Variants in SPTBN4 observed in about 807,000 individuals in gnomAD.
SPTBN4 encodes spectrin beta chain, non-erythrocytic 4.
SPTBN4 carries 96 observed loss-of-function variants against 277.8 expected under a neutral mutation model. The ratio of observed to expected loss-of-function variants is 0.35; its 90% confidence interval spans 0.29 to 0.41. The LOEUF is 0.41. Among genes scored for constraint, SPTBN4 ranks in the 10% least tolerant of loss-of-function variants. SPTBN4 has a pLI of 1.00. For synonymous variants in SPTBN4, 1,481 were observed against 1,580.3 expected, an observed-to-expected ratio of 0.94 and a Z score of 1.49; for missense variants, 3,006 against 3,595.7, an observed-to-expected ratio of 0.84 and a Z score of 4.19.
intron 16 of SPTBN4, among the ~76,000 whole-genome samples, chr19:40,520,634 G>A (rs1356154547): frequency 1.3e-5 from 2 of 152,182 alleles, no homozygotes. Flanking sequence ...TGGTGTGGAT[G>A]GCTAAATTAG....
intron 18 of SPTBN4, 63 bp downstream of exon 18, chr19:40,529,194 C>G: frequency 1.7e-5 from 24 of 1,390,608 alleles, no homozygotes; most frequent in Non-Finnish European, 2.1e-5. Flanking sequence ...AAGTGCTTCT[C>G]GGCCGAGGTG....
intron 22 of SPTBN4, among the ~76,000 whole-genome samples, chr19:40,553,811 A>G (rs1599799924): frequency 6.6e-6 from 1 of 152,082 alleles, no homozygotes; most frequent in Non-Finnish European, 1.5e-5. Context: ...GGGTTTCTGT[A>G]TTAGGGCCCA....
rs1379404042 is a variant in SPTBN4 at position 40,566,104 on chromosome 19, T to C, written c.6140-59T>C. On this transcript the variant is annotated intron_variant, in intron 29 of 35. Transcript: ENST00000598249. ...GTGTGGAAGGCCAGGGGAACAGCCA[T>C]TGCCCCCAGGAAGGGCCCCAGATGC... The C allele has an allele frequency of 4.9e-6, 7 of 1,441,016 alleles. No individual in the cohort carries two copies. In the Admixed American group the frequency reaches 1.9e-4, roughly 39 times the overall value. 89.3% of individuals were successfully genotyped at this position (1,441,016 alleles called of 1,614,324 possible).
chr19:40,469,051 A>G (rs1173198621), intron 1 of SPTBN4, among the ~76,000 whole-genome samples: 1 of 151,764 alleles, frequency 6.6e-6, no homozygotes, highest in Non-Finnish European at 1.5e-5. Flanking sequence ...GGGAGCTATG[A>G]TTGTGTCACT....
chr19:40,515,429 C>G lies in SPTBN4; in HGVS notation c.2884C>G (p.Gln962Glu). 6.4e-7 allele frequency: 1 copy of G among 1,568,296 alleles called. No homozygotes were observed. The change falls in exon 15 of 36, where the codon CAG (glutamine) becomes GAG (glutamate). Residue 962 changes from glutamine to glutamate, a missense_variant. Gln to Glu is a conservative substitution (Grantham distance 29). This residue lies in a region of SPTBN4 where 1,759 missense variants were observed against 2,061.5 expected (regional missense o/e 0.85). Coordinates refer to ENST00000598249, the MANE Select transcript of SPTBN4 (RefSeq NM_020971.3). This position sits in a 1 kb window ranked among gnomAD's most constrained non-coding sequence, Gnocchi z 4.1. ...HPSSDEVRSC[Q>E]DHLNSRWNRI... ...CAGTTCAGATGAGGTGCGTTCCTGC[C>G]AGGACCACCTCAACAGCAGGTAGGA...
intron 3 of SPTBN4, among the ~76,000 whole-genome samples, chr19:40,489,797 G>A (rs1263745293): frequency 6.6e-6 from 1 of 152,178 alleles, no homozygotes; most frequent in African/African-American, 2.4e-5. Flanking sequence ...GTGGTTATCA[G>A]GTTCGAAGTG....
intron 14 of SPTBN4, among the ~76,000 whole-genome samples, chr19:40,514,269 C>T (rs2145867731): frequency 6.6e-6 from 1 of 152,348 alleles, no homozygotes; most frequent in East Asian, 1.9e-4. Flanking sequence ...GCTCCTTGCC[C>T]CTACTGTGCC....
intron 2 of SPTBN4, among the ~76,000 whole-genome samples, chr19:40,487,406 T>C (rs1398247359): frequency 2.0e-5 from 3 of 150,644 alleles, no homozygotes; most frequent in Admixed American, 2.0e-4. Context: ...AGTGCAGTGA[T>C]GCGATCTTGG....
intron 16 of SPTBN4, among the ~76,000 whole-genome samples, chr19:40,521,362 C>T (rs1301160419): frequency 6.6e-6 from 1 of 152,154 alleles, no homozygotes; most frequent in Non-Finnish European, 1.5e-5. Flanking sequence ...ATTGTTATTA[C>T]ATTATAACAT....
intron 20 of SPTBN4, among the ~76,000 whole-genome samples, chr19:40,548,939 T>C (rs963844098): frequency 1.3e-5 from 2 of 152,176 alleles, no homozygotes; most frequent in Non-Finnish European, 2.9e-5. Context: ...ATACTCCAGC[T>C]GAAATCTGAT....
rs150353534 is a variant in SPTBN4 at position 40,527,983 on chromosome 19, G to C, written c.3858-1058G>C. 2.2e-3 allele frequency among the ~76,000 whole-genome samples: 341 copies of C among 151,710 alleles called. 2 individuals are homozygous for C. The highest frequency in any genetic ancestry group is 7.7e-3 in the African/African-American group (319 of 41,314). ...AGGCCGGAGAATCGCTTGAACCTGG[G>C]GGGTGGAGGTTGTAGTGAGCCGAGA... is the stretch of plus-strand genomic sequence containing the variant. On this transcript the variant is annotated intron_variant, in intron 17 of 35. Coordinates refer to ENST00000598249, the MANE Select transcript of SPTBN4 (RefSeq NM_020971.3).
At position 40,497,532 on chromosome 19, in the gene SPTBN4, A is replaced by G; in HGVS notation, c.712A>G (p.Asn238Asp). 1.2e-6 allele frequency: 2 copies of G among 1,614,082 alleles called. No homozygotes were observed. The change falls in exon 7 of 36, where the codon AAC becomes GAC. Residue 238 changes from asparagine to aspartate, a missense_variant. Asn to Asp is a conservative substitution (Grantham distance 23). This residue lies in a region of SPTBN4 where 1,759 missense variants were observed against 2,061.5 expected (regional missense o/e 0.85). Transcript: ENST00000598249. ...DFSKLTKSNA[N>D]YNLQRAFRTA... is the part of the protein sequence containing the mutation. ...CAGCAAACTCACCAAGTCCAATGCC[A>G]ACTACAACCTGCAGAGAGCCTTCCG...
Position 40,490,341 on chromosome 19 carries a change from T to C in SPTBN4, c.495+93T>C, listed in dbSNP as rs2080123559. 7.1e-7 allele frequency: 1 copy of C among 1,407,076 alleles called. No homozygotes were observed. The highest frequency in any genetic ancestry group is 1.4e-5 in the African/African-American group (1 of 69,490). 87.2% of individuals were successfully genotyped at this position (1,407,076 alleles called of 1,614,324 possible). ...CCCATTCATTCTTTCCTTCCAATAA[T>C]ATCCTAATATGCTGGAATCCTATTC... On this transcript the variant is annotated intron_variant, in intron 4 of 35. Transcript: ENST00000598249. The surrounding 1 kb of genome is among the most constrained non-coding windows in gnomAD (Gnocchi z 4.3).
At chr19:40,521,656 A>G (rs892358467) in intron 16 of SPTBN4, among the ~76,000 whole-genome samples, 1 of 152,162 alleles carries the variant, frequency 6.6e-6, no homozygotes, top group Non-Finnish European at 1.5e-5. Context: ...ACCTCCTGCT[A>G]TGCGGCCCAG....
intron 17 of SPTBN4, among the ~76,000 whole-genome samples, chr19:40,528,055 CA>C (rs751179742): frequency 0.028 from 946 of 33,650 alleles, 2 homozygotes; most frequent in Non-Finnish European, 0.034. Context: ...GACTCCATCT[CA>C]AAAAAAAAAA....
intron 2 of SPTBN4, among the ~76,000 whole-genome samples, chr19:40,474,909 A>T (rs188819041): frequency 1.7e-4 from 26 of 152,026 alleles, no homozygotes; most frequent in Admixed American, 8.5e-4. Flanking sequence ...AAACAAAAAA[A>T]TTTTTTTGTA....
chr19:40,565,533 T>C lies in SPTBN4; in HGVS notation c.6026T>C (p.Leu2009Pro). Reference protein sequence around the residue: ...TTCQELGRSLLLNKSAMADEI... With the variant: ...TTCQELGRSLPLNKSAMADEI... ...TGCCAGGAGCTGGGGCGATCTCTGCTGCTCAACAAAAGTGCCATGGCTGAT... is the reference window on the plus strand; with the variant it reads ...TGCCAGGAGCTGGGGCGATCTCTGCCGCTCAACAAAAGTGCCATGGCTGAT... Residue 2009 changes from leucine to proline, a missense_variant, in exon 28 of 36, where the codon CTG becomes CCG. Physicochemically the swap from Leu to Pro is moderately conservative, Grantham distance 98. Coordinates refer to ENST00000598249, the MANE Select transcript of SPTBN4 (RefSeq NM_020971.3). 1 of 1,614,096 alleles carries C rather than the reference T, an allele frequency of 6.2e-7. No individual in the cohort carries two copies. Among genetic ancestry groups the C allele is most frequent in the Non-Finnish European group, 8.5e-7 (1 of 1,179,976 alleles).
chr19:40,476,686 C>T (rs1004962532), intron 2 of SPTBN4, among the ~76,000 whole-genome samples: 7 of 152,040 alleles, frequency 4.6e-5, no homozygotes, highest in African/African-American at 1.7e-4. Context: ...CTCCTGGGTT[C>T]ATGCCATTCT....
rs1338103107 is a variant in SPTBN4, at chr19:40,506,635, G to A, written c.1816+249G>A. Reference sequence around the variant, plus strand: ...AATAACCCACATTTATTGAGCACTTGTTATGTGCCAAGCCCTTCACAGATT... The same window carrying A: ...AATAACCCACATTTATTGAGCACTTATTATGTGCCAAGCCCTTCACAGATT... On this transcript the variant is annotated intron_variant, in intron 13 of 35. Transcript: ENST00000598249. Among the ~76,000 whole-genome samples the A allele has an allele frequency of 3.9e-5, 6 of 152,288 alleles. No individual in the cohort carries two copies. In the East Asian group the frequency reaches 1.2e-3, roughly 29 times the overall value.
Sources: gnomAD v4.1 joint callset for allele counts (sites outside exome capture counted in the v4.1 genomes callset) on GRCh38, gnomAD v4.1.1 for gene constraint, gnomAD v4.1.1 regional missense constraint, Gnocchi (gnomAD v3.1) non-coding constraint, MANE v1.5 for transcripts, NCBI Gene and HGNC (gene_info 2026-07-23, HGNC 2026-07-21) for gene names.